MECR: variants seen among roughly 807,000 people sequenced by gnomAD.
MECR encodes the protein mitochondrial trans-2-enoyl-CoA reductase.
MECR carries 37 observed loss-of-function variants against 49.1 expected under a neutral mutation model. The observed-to-expected ratio is 0.75, with a 90% CI of 0.58 to 0.99. MECR has a LOEUF of 0.99. MECR is among the 50% of genes least tolerant of loss of function. The pLI is 0.00. For synonymous variants in MECR, 198 were observed against 191.1 expected (o/e 1.04, Z -0.30); for missense variants, 470 against 479.6 (o/e 0.98, Z 0.19).
intron 3 of MECR, among the ~76,000 whole-genome samples, chr1:29,212,025 C>A (rs949465291): frequency 2.0e-5 from 3 of 152,352 alleles, no homozygotes; most frequent in Non-Finnish European, 2.9e-5. Context: ...GCCCAGCATG[C>A]TGCAGATGCT....
At chr1:29,207,112 A>G (rs1172902980) in intron 3 of MECR, among the ~76,000 whole-genome samples, 2 of 151,824 alleles carry the variant, frequency 1.3e-5, no homozygotes, top group Non-Finnish European at 1.5e-5. Context: ...TGCACAATAG[A>G]TTGTTATTCT....
chr1:29,222,549 T>G (rs1463220043), intron 1 of MECR, among the ~76,000 whole-genome samples: 4 of 152,186 alleles, frequency 2.6e-5, no homozygotes, highest in Non-Finnish European at 5.9e-5. Flanking sequence ...TTTCCAGATT[T>G]AATGTGGGCT....
At chr1:29,182,967 A>G in the MECR span, among the ~76,000 whole-genome samples, 1 of 152,256 alleles carries the variant, frequency 6.6e-6, no homozygotes, top group Non-Finnish European at 1.5e-5. Flanking sequence ...ACATGGTAAG[A>G]GCTCAATAAA....
intron 4 of MECR, among the ~76,000 whole-genome samples, chr1:29,205,349 A>T (rs555467937): frequency 6.6e-6 from 1 of 151,672 alleles, no homozygotes; most frequent in South Asian, 2.1e-4. Context: ...ACGCCGGGCT[A>T]ATTTTTGTAT....
intron 2 of MECR, among the ~76,000 whole-genome samples, 200 bp from the exon 3 acceptor site, chr1:29,216,336 CAT>C (rs1284150430): frequency 2.1e-4 from 32 of 152,176 alleles, no homozygotes; most frequent in Middle Eastern, 3.2e-3. Flanking sequence ...AATCAGGTAA[CAT>C]ATGAAATGAA....
At chr1:29,183,432 A>AATATCC in the MECR span, among the ~76,000 whole-genome samples, 1 of 152,134 alleles carries the variant, frequency 6.6e-6, no homozygotes, top group African/African-American at 2.4e-5. Flanking sequence ...ATTCCTAGAA[A>AATATCC]TAGGATATTT....
Position 29,201,941 on chromosome 1 carries a change from A to G in MECR, c.756+2T>C. 6.2e-7 allele frequency: 1 copy of G among 1,611,468 alleles called. No individual in the cohort carries two copies. Among genetic ancestry groups the G allele is most frequent in the Non-Finnish European group, 8.5e-7 (1 of 1,177,612 alleles). On this transcript the variant is annotated splice_donor_variant, in intron 6 of 9. Transcript: ENST00000263702. LOFTEE classifies it high-confidence loss of function. The surrounding 1 kb of genome is among the most constrained non-coding windows in gnomAD (Gnocchi z 4.3). ...AGGGGCAATGTCCCTCTTCCTAGGT[A>G]CCTTAAAGAAGTTTTTCATTTCGGG...
chr1:29,185,407 C>T, the MECR span, among the ~76,000 whole-genome samples: 3 of 151,692 alleles, frequency 2.0e-5, no homozygotes, highest in Non-Finnish European at 4.4e-5. Flanking sequence ...TGCCACCATG[C>T]CAAGCTAATT....
chr1:29,203,018 G>A (rs1317900177), intron 5 of MECR, 113 bp downstream of exon 5: 5 of 759,044 alleles, frequency 6.6e-6, no homozygotes, highest in Non-Finnish European at 8.4e-6. Flanking sequence ...GATGCCTAAA[G>A]CCAGTTTATG....
chr1:29,199,661 C>G (rs917741155), intron 7 of MECR, among the ~76,000 whole-genome samples: 1 of 151,996 alleles, frequency 6.6e-6, no homozygotes, highest in African/African-American at 2.4e-5. Flanking sequence ...CTTTGTCACC[C>G]AGGCTGGAGT....
rs186820277 is a variant in MECR at position 29,204,161 on chromosome 1, G to C, written c.551-928C>G. The stretch of plus-strand genomic sequence containing the variant: ...TTGAACCCGGGAGGTGGAGGTTGCA[G>C]TGAGCTGAGATCGCGCCACTGTACT... On this transcript the variant is annotated intron_variant, in intron 4 of 9. Coordinates refer to ENST00000263702, the MANE Select transcript of MECR (RefSeq NM_016011.5). Among the ~76,000 whole-genome samples, 6 of 152,238 alleles carry C rather than the reference G, an allele frequency of 3.9e-5. No individual in the cohort carries two copies. The East Asian group carries it at 7.7e-4, about 20-fold the overall frequency.
At chr1:29,227,124 C>T (rs940015060) in intron 1 of MECR, among the ~76,000 whole-genome samples, 2 of 151,658 alleles carry the variant, frequency 1.3e-5, no homozygotes, top group South Asian at 2.1e-4. Flanking sequence ...CCACTGTGCC[C>T]GACTAATTTT....
chr1:29,193,817 T>G lies in MECR; in HGVS notation c.*205A>C, dbSNP rs571879052. 8.3e-6 allele frequency: 5 copies of G among 601,162 alleles called. No individual in the cohort carries two copies. In the South Asian group the frequency reaches 1.0e-4, roughly 12 times the overall value. The allele number at this position is 601,162 out of a possible 1,614,324, so 37.2% of individuals were successfully genotyped here. A position where few individuals can be genotyped will look rare whatever the true frequency, so the allele number is the denominator to read the frequency against. ...CCTTCTCGACAGGGATGACTTCTAC[T>G]TTTTGGAAGGGAGAGTTCAGACTTT... is the stretch of plus-strand genomic sequence containing the variant. On this transcript the variant is annotated 3_prime_UTR_variant, in exon 10 of 10. Coordinates refer to ENST00000263702, the MANE Select transcript of MECR (RefSeq NM_016011.5).
chr1:29,198,679 C>T (rs3766948), intron 7 of MECR, among the ~76,000 whole-genome samples: 17,490 of 152,142 alleles, frequency 0.11, 1,370 homozygotes, highest in East Asian at 0.41. Flanking sequence ...TGCAATGGCA[C>T]GATCTTGGCT....
chr1:29,220,379 C>T (rs564817670), intron 1 of MECR, among the ~76,000 whole-genome samples: 2 of 151,980 alleles, frequency 1.3e-5, no homozygotes, highest in East Asian at 1.9e-4. Context: ...CCAACCTGGG[C>T]GACAAAGTGG....
the MECR span, chr1:29,181,935 T>G: frequency 8.1e-5 from 32 of 396,602 alleles, no homozygotes; most frequent in East Asian, 1.8e-4. Flanking sequence ...TCCCCCGCCC[T>G]TCCCCGAGGC....
the MECR span, among the ~76,000 whole-genome samples, chr1:29,173,704 T>C: frequency 2.7e-4 from 39 of 143,362 alleles, no homozygotes; most frequent in Non-Finnish European, 5.2e-4. Context: ...CCACCTCAGC[T>C]TCCCAAAAGT....
chr1:29,171,599 C>T, the MECR span: 110 of 151,776 alleles, frequency 7.2e-4, no homozygotes, highest in African/African-American at 2.6e-3. Flanking sequence ...TTAATATTTT[C>T]GGAAGTTTTA....
intron 4 of MECR, among the ~76,000 whole-genome samples, chr1:29,204,401 G>A (rs1456775346): frequency 6.6e-6 from 1 of 151,980 alleles, no homozygotes; most frequent in African/African-American, 2.4e-5. Flanking sequence ...AGGGGTCAAC[G>A]TACAGGTTGT....
Sources: gnomAD v4.1 joint callset for allele counts (sites outside exome capture counted in the v4.1 genomes callset) on GRCh38, gnomAD v4.1.1 for gene constraint, Gnocchi (gnomAD v3.1) non-coding constraint, MANE v1.5 for transcripts, NCBI Gene and HGNC (gene_info 2026-07-23, HGNC 2026-07-21) for gene names.